Variants in BANK1 observed in about 807,000 individuals in gnomAD.
The protein encoded by BANK1 is B-cell scaffold protein with ankyrin repeats.
BANK1 carries 95 observed loss-of-function variants against 94.5 expected under a neutral mutation model. The ratio of observed to expected loss-of-function variants is 1.00; its 90% CI spans 0.85 to 1.19. BANK1 has a LOEUF of 1.19. Ranked by LOEUF, BANK1 falls within the 50% of genes most tolerant of loss-of-function variation. The pLI, the probability that BANK1 is intolerant of heterozygous loss-of-function variation, is 0.00. For missense variants in BANK1, 987 were observed against 932.2 expected (o/e 1.06, Z -0.77); for synonymous variants, 334 against 308.4 (o/e 1.08, Z -0.87).
At chr4:101,982,980 GA>G (rs2148928215) in intron 7 of BANK1, among the ~76,000 whole-genome samples, 1 of 151,854 alleles carries the variant, frequency 6.6e-6, no homozygotes, top group South Asian at 2.1e-4. Context: ...TGTCCTTGAA[GA>G]ATTTTCTGAT....
At chr4:101,939,919 C>G (rs576901120) in intron 7 of BANK1, among the ~76,000 whole-genome samples, 1 of 151,842 alleles carries the variant, frequency 6.6e-6, no homozygotes, top group East Asian at 1.9e-4. Flanking sequence ...GCTTCTCTGA[C>G]AAGTTAGCTT....
intron 11 of BANK1, among the ~76,000 whole-genome samples, chr4:102,057,893 T>C (rs1005388672): frequency 2.0e-5 from 3 of 152,160 alleles, no homozygotes; most frequent in African/African-American, 7.2e-5. Context: ...ATTACATATG[T>C]AATATGGCAT....
chr4:101,934,560 T>A (rs560259367), intron 7 of BANK1, among the ~76,000 whole-genome samples: 35 of 151,584 alleles, frequency 2.3e-4, no homozygotes, highest in African/African-American at 8.2e-4. Flanking sequence ...TATGATGAGA[T>A]CTCCTTGTGT....
intron 7 of BANK1, among the ~76,000 whole-genome samples, chr4:102,018,622 A>C (rs758058840): frequency 1.4e-4 from 22 of 152,202 alleles, no homozygotes; most frequent in Admixed American, 2.6e-4. Flanking sequence ...ATTCTGTGCT[A>C]CAAGGACTAT....
intron 2 of BANK1, among the ~76,000 whole-genome samples, chr4:101,848,838 C>T (rs1170535131): frequency 6.6e-6 from 1 of 152,140 alleles, no homozygotes; most frequent in Non-Finnish European, 1.5e-5. Flanking sequence ...AGATGGATGT[C>T]CCTTCATTCT....
chr4:101,951,803 T>C (rs1421484689), intron 7 of BANK1, among the ~76,000 whole-genome samples: 5 of 152,000 alleles, frequency 3.3e-5, no homozygotes, highest in Admixed American at 6.6e-5. Flanking sequence ...TAAATAACTA[T>C]CAATATAAAT....
At chr4:101,923,897 G>A (rs1237068588) in intron 7 of BANK1, among the ~76,000 whole-genome samples, 1 of 151,706 alleles carries the variant, frequency 6.6e-6, no homozygotes, top group African/African-American at 2.4e-5. Flanking sequence ...CATTTGATAT[G>A]GGATTTTGGT....
intron 6 of BANK1, among the ~76,000 whole-genome samples, chr4:101,895,984 A>G (rs903025647): frequency 3.9e-5 from 6 of 152,006 alleles, no homozygotes; most frequent in Admixed American, 2.6e-4. Flanking sequence ...ATAAGTTTAT[A>G]TATGTAAATT....
intron 2 of BANK1, among the ~76,000 whole-genome samples, chr4:101,847,338 G>T (rs1727287815): frequency 6.6e-6 from 1 of 151,474 alleles, no homozygotes; most frequent in African/African-American, 2.4e-5. Flanking sequence ...TGAGAAGTTT[G>T]GGGTATTTAT....
At chr4:101,934,812 A>G (rs1723474203) in intron 7 of BANK1, among the ~76,000 whole-genome samples, 1 of 151,556 alleles carries the variant, frequency 6.6e-6, no homozygotes, top group East Asian at 2.0e-4. Flanking sequence ...ACTAGGAGGA[A>G]TTCTTTTGAA....
chr4:102,010,668 C>A (rs1259597712), intron 7 of BANK1, among the ~76,000 whole-genome samples: 2 of 152,158 alleles, frequency 1.3e-5, no homozygotes, highest in African/African-American at 4.8e-5. Context: ...CCTGGGATTA[C>A]AGGCATGAGC....
chr4:102,026,911 G>C (rs1727125618), intron 9 of BANK1, among the ~76,000 whole-genome samples: 1 of 151,710 alleles, frequency 6.6e-6, no homozygotes, highest in Non-Finnish European at 1.5e-5. Context: ...GCTTTATTAA[G>C]CTTATGCACT....
intron 6 of BANK1, among the ~76,000 whole-genome samples, chr4:101,915,117 A>C (rs2148899054): frequency 6.6e-6 from 1 of 152,286 alleles, no homozygotes; most frequent in Non-Finnish European, 1.5e-5. Flanking sequence ...AGAATTCCCA[A>C]ATAATGAGGA....
chr4:101,987,576 T>G (rs1243909400), intron 7 of BANK1, among the ~76,000 whole-genome samples: 1 of 152,174 alleles, frequency 6.6e-6, no homozygotes, highest in Non-Finnish European at 1.5e-5. Flanking sequence ...TTGTTCTTCC[T>G]CAACAACCTT....
At chr4:101,845,060 A>G (rs1376939813) in intron 2 of BANK1, among the ~76,000 whole-genome samples, 3 of 152,194 alleles carry the variant, frequency 2.0e-5, no homozygotes, top group Non-Finnish European at 4.4e-5. Context: ...AGGAAATTAA[A>G]ATATTATTTA....
At chr4:101,796,261 GA>G (rs1251339549) in intron 1 of BANK1, among the ~76,000 whole-genome samples, 1 of 152,094 alleles carries the variant, frequency 6.6e-6, no homozygotes, top group African/African-American at 2.4e-5. Context: ...ATTTGCCCAT[GA>G]AATTGTTTAT....
At chr4:101,831,673 C>T (rs1311676540) in intron 2 of BANK1, among the ~76,000 whole-genome samples, 1 of 152,140 alleles carries the variant, frequency 6.6e-6, no homozygotes. Context: ...TGAGGTTTTA[C>T]CATGTTGGCC....
chr4:102,070,285 T>C (rs1343511690), intron 13 of BANK1, among the ~76,000 whole-genome samples: 2 of 152,196 alleles, frequency 1.3e-5, no homozygotes. Context: ...CCCTTCATTC[T>C]TCCCTAAGGG....
intron 7 of BANK1, among the ~76,000 whole-genome samples, chr4:101,958,067 C>T (rs1226339728): frequency 3.9e-5 from 6 of 151,918 alleles, no homozygotes; most frequent in Admixed American, 3.3e-4. Context: ...AGGATGGTCT[C>T]GCTCTCCTGA....
Sources: gnomAD v4.1 joint callset for allele counts (sites outside exome capture counted in the v4.1 genomes callset) on GRCh38, gnomAD v4.1.1 for gene constraint, MANE v1.5 for transcripts, NCBI Gene and HGNC (gene_info 2026-07-23, HGNC 2026-07-21) for gene names.